The following IL33 variants were observed in gnomAD, a reference collection of about 807,000 sequenced individuals.
IL33 encodes the protein interleukin-33.
In IL33, 37 loss-of-function variants were observed where a neutral mutation model predicts 27.3. The ratio of observed to expected loss-of-function variants is 1.36; its 90% CI spans 1.04 to 1.78. IL33 has a LOEUF of 1.78. IL33 is among the 40% of genes most tolerant of loss of function. The pLI is 0.00. For synonymous variants in IL33, 132 were observed against 102.9 expected, an observed-to-expected ratio of 1.28 and a Z score of -1.71; for missense variants, 406 against 311.4, an observed-to-expected ratio of 1.30 and a Z score of -2.29.
chr9:6,230,134 T>C (rs1179098631), intron 1 of IL33, among the ~76,000 whole-genome samples: 1 of 152,108 alleles, frequency 6.6e-6, no homozygotes, highest in African/African-American at 2.4e-5. Context: ...AATGACTGGA[T>C]AAGACCACAT....
At chr9:6,250,367 A>G in intron 2 of IL33, 107 bp from the exon 3 acceptor site, 7 of 1,269,386 alleles carry the variant, frequency 5.5e-6, no homozygotes, top group African/African-American at 1.5e-5. Context: ...ATTTCTGATA[A>G]GATACTGTGA....
intron 1 of IL33, among the ~76,000 whole-genome samples, chr9:6,232,025 G>C (rs902482879): frequency 6.6e-6 from 1 of 152,174 alleles, no homozygotes; most frequent in Non-Finnish European, 1.5e-5. Flanking sequence ...CACAATAAAA[G>C]AAGAAAGTCC....
At chr9:6,226,632 A>T (rs1818645256) in intron 1 of IL33, among the ~76,000 whole-genome samples, 1 of 152,174 alleles carries the variant, frequency 6.6e-6, no homozygotes, top group Admixed American at 6.6e-5. Context: ...ATTGAGTTTT[A>T]ATTTCAGTAA....
intron 1 of IL33, among the ~76,000 whole-genome samples, chr9:6,223,734 C>A (rs527354743): frequency 2.6e-5 from 4 of 152,230 alleles, no homozygotes; most frequent in Admixed American, 1.3e-4. Flanking sequence ...ACTTGATATA[C>A]TTTTAGCTGC....
At chr9:6,230,412 G>A (rs1183589062) in intron 1 of IL33, among the ~76,000 whole-genome samples, 1 of 152,080 alleles carries the variant, frequency 6.6e-6, no homozygotes, top group African/African-American at 2.4e-5. Context: ...GATCCAGATT[G>A]GGTGAGGAAG....
intron 1 of IL33, among the ~76,000 whole-genome samples, chr9:6,222,880 T>C (rs1818470377): frequency 6.6e-6 from 1 of 152,186 alleles, no homozygotes; most frequent in Non-Finnish European, 1.5e-5. Flanking sequence ...ATGAGTAGAA[T>C]GTTAACTGAA....
At chr9:6,215,656 C>A (rs1818104333), upstream of IL33, 1 of 152,106 alleles carries the variant, frequency 6.6e-6, no homozygotes, top group Non-Finnish European at 1.5e-5. Flanking sequence ...AAGTAGTGAG[C>A]CTTAGATGTT....
intron 2 of IL33, among the ~76,000 whole-genome samples, chr9:6,249,497 T>C (rs185606932): frequency 1.4e-3 from 217 of 152,356 alleles, no homozygotes; most frequent in African/African-American, 4.4e-3. Flanking sequence ...TTTTTATGAT[T>C]TTCCAAGTAG....
At chr9:6,237,233 G>C (rs564168167) in intron 1 of IL33, among the ~76,000 whole-genome samples, 2 of 152,172 alleles carry the variant, frequency 1.3e-5, no homozygotes, top group Admixed American at 6.5e-5. Flanking sequence ...ATTGCCATAT[G>C]TTCTGAAATA....
chr9:6,251,074 T>G, intron 3 of IL33, 66 bp from the exon 4 acceptor site: 1 of 1,570,982 alleles, frequency 6.4e-7, no homozygotes, highest in African/African-American at 1.4e-5. Context: ...TAACTGGGAA[T>G]CCTCAAAGGG....
chr9:6,228,510 T>A (rs900230270), intron 1 of IL33, among the ~76,000 whole-genome samples: 1 of 151,902 alleles, frequency 6.6e-6, no homozygotes, highest in Non-Finnish European at 1.5e-5. Context: ...TGTTCCATGT[T>A]GTTTTTTTTT....
At chr9:6,221,511 G>T (rs1222042836) in intron 1 of IL33, among the ~76,000 whole-genome samples, 1 of 152,088 alleles carries the variant, frequency 6.6e-6, no homozygotes, top group Non-Finnish European at 1.5e-5. Context: ...AAGCATTAAG[G>T]TCATTTGCAC....
rs1816720940 is a variant in IL33, at chr9:6,256,168, G to T, written c.813G>T (p.Ter271TyrextTer28). 6.2e-7 allele frequency: 1 copy of T among 1,611,078 alleles called. No individual in the cohort carries two copies. The highest frequency in any genetic ancestry group is 8.5e-7 in the Non-Finnish European group (1 of 1,177,724). ...ENILFKLSET[*>Y] is the part of the protein sequence containing the mutation. ...TCTTGTTTAAGCTCTCTGAAACTTA[G>T]TTGATGGAAACCTGTGAGTCTTGGG... Residue 271 changes from the stop codon to tyrosine, a stop_lost, in exon 8 of 8, where the codon TAG (stop) becomes TAT (tyrosine). Transcript: ENST00000682010.
At chr9:6,252,731 A>G in intron 4 of IL33, 135 bp from the exon 5 acceptor site, 1 of 1,006,116 alleles carries the variant, frequency 9.9e-7, no homozygotes, top group South Asian at 1.5e-5. Context: ...TAAAACTTGT[A>G]TCAAAGGCTT....
chr9:6,220,326 G>A (rs1396222511), intron 1 of IL33, among the ~76,000 whole-genome samples: 1 of 152,098 alleles, frequency 6.6e-6, no homozygotes, highest in Non-Finnish European at 1.5e-5. Flanking sequence ...CTTTTGCAAT[G>A]GTAAGAATGT....
intron 2 of IL33, among the ~76,000 whole-genome samples, chr9:6,246,760 C>T (rs554682366): frequency 2.3e-4 from 35 of 152,300 alleles, no homozygotes; most frequent in African/African-American, 8.2e-4. Flanking sequence ...TGTGTGATGT[C>T]TTCCACCATG....
intron 2 of IL33, among the ~76,000 whole-genome samples, chr9:6,248,500 G>A (rs1041551927): frequency 6.6e-6 from 1 of 152,028 alleles, no homozygotes; most frequent in Non-Finnish European, 1.5e-5. Flanking sequence ...TCCACCATCA[G>A]ATGATCCTCA....
chr9:6,215,276 A>G (rs1818091026), upstream of IL33, among the ~76,000 whole-genome samples: 1 of 152,168 alleles, frequency 6.6e-6, no homozygotes, highest in Non-Finnish European at 1.5e-5. Flanking sequence ...CTTCTGCGAG[A>G]TTTTTGAGAT....
At chr9:6,237,899 G>A (rs766944386) in intron 1 of IL33, among the ~76,000 whole-genome samples, 4 of 152,142 alleles carry the variant, frequency 2.6e-5, no homozygotes, top group Non-Finnish European at 5.9e-5. Context: ...TCTACTGTGT[G>A]CAGGTTACTA....
Sources: allele counts gnomAD v4.1 joint callset (sites outside exome capture counted in the v4.1 genomes callset), GRCh38; gene constraint gnomAD v4.1.1; transcripts MANE v1.5; gene names NCBI Gene and HGNC (gene_info 2026-07-23, HGNC 2026-07-21).